PAN3: variants seen among roughly 807,000 people sequenced by gnomAD.
PAN3 encodes poly(A) specific ribonuclease subunit PAN3.
PAN3 carries 19 observed loss-of-function variants against 96.2 expected under a neutral mutation model. That is an observed-to-expected ratio of 0.20 (90% CI 0.14 to 0.29). The LOEUF is 0.29. PAN3 is among the 10% of genes least tolerant of loss of function. PAN3 has a pLI of 1.00. For missense variants in PAN3, 882 were observed against 1,108.1 expected (o/e 0.80, Z 2.90); for synonymous variants, 433 against 406.6 (o/e 1.06, Z -0.78).
intron 1 of PAN3, among the ~76,000 whole-genome samples, chr13:28,162,207 G>A (rs1165423367): frequency 6.6e-6 from 1 of 152,182 alleles, no homozygotes; most frequent in African/African-American, 2.4e-5. Context: ...TTAGTAGTTG[G>A]CAACTGGCTG....
At chr13:28,291,801 A>G (rs1156271200) in intron 18 of PAN3, among the ~76,000 whole-genome samples, 1 of 152,170 alleles carries the variant, frequency 6.6e-6, no homozygotes, top group East Asian at 1.9e-4. Flanking sequence ...ATTGCACTCC[A>G]CCCTGGGCAA....
At chr13:28,290,793 A>C (rs1361211623) in intron 18 of PAN3, among the ~76,000 whole-genome samples, 2 of 152,222 alleles carry the variant, frequency 1.3e-5, no homozygotes, top group African/African-American at 4.8e-5. Flanking sequence ...TTTTCTTGAG[A>C]GCAATATGTA....
rs1209895502 is a variant in PAN3, at chr13:28,138,685, C to G, written c.28C>G (p.Pro10Ala). 4 of 951,654 alleles carry G rather than the reference C, an allele frequency of 4.2e-6. No individual in the cohort carries two copies. In the East Asian group the frequency reaches 9.9e-5, roughly 24 times the overall value. 59.0% of individuals were successfully genotyped at this position (951,654 alleles called of 1,614,324 possible). Residue 10 changes from proline (P) to alanine (A), a missense_variant, in exon 1 of 19, where the codon CCC becomes GCC. This residue lies in a region of PAN3 where 442 missense variants were observed against 422.8 expected (regional missense o/e 1.05). Coordinates refer to ENST00000380958, the MANE Select transcript of PAN3 (RefSeq NM_175854.8). The stretch of plus-strand genomic sequence containing the variant: ...GAACAGTGGCGGCGGCCTCCCGCCC[C>G]CCTCGGCCGCCGCCTCCCCTTCCTC... MNSGGGLPPPSAAASPSSSS... is the reference protein window; with the variant it reads MNSGGGLPPASAAASPSSSS...
At chr13:28,173,338 A>G (rs1874545633) in intron 1 of PAN3, among the ~76,000 whole-genome samples, 2 of 152,248 alleles carry the variant, frequency 1.3e-5, no homozygotes, top group Middle Eastern at 3.4e-3. Context: ...TGAACTTTTT[A>G]TATGTAAATA....
chr13:28,234,854 T>G (rs1882933121), intron 6 of PAN3, among the ~76,000 whole-genome samples: 1 of 152,168 alleles, frequency 6.6e-6, no homozygotes. Flanking sequence ...GGCTTTCATA[T>G]TATATCTATG....
In PAN3 at chr13:28,138,776, C is replaced by T; in HGVS notation, c.119C>T (p.Ala40Val). ...GGGGTCGGGGGTGTCCCCGGCGGGG[C>T]GGCGGTAGGAGTGAAGCTGAAGTAC... Reference protein sequence around the residue: ...PPGVGGVPGGAAVGVKLKYCR... With the variant: ...PPGVGGVPGGVAVGVKLKYCR... Residue 40 changes from alanine (A) to valine (V), a missense_variant, in exon 1 of 19, where the codon GCG (alanine) becomes GTG (valine). Around this residue, in one of 3 missense-constraint regions of PAN3, gnomAD observed 442 missense variants for 422.8 expected, o/e 1.05. Transcript: ENST00000380958. 2 of 1,369,410 alleles carry T rather than the reference C, an allele frequency of 1.5e-6. No homozygotes were observed. The highest frequency in any genetic ancestry group is 1.5e-5 in the African/African-American group (1 of 65,326). The allele number at this position is 1,369,410 out of a possible 1,614,324, so 84.8% of individuals were successfully genotyped here. A position where few individuals can be genotyped will look rare whatever the true frequency, so the allele number is the denominator to read the frequency against.
At chr13:28,235,722 C>CACACACACACATATAT (rs763204992) in intron 6 of PAN3, among the ~76,000 whole-genome samples, 3 of 148,952 alleles carry the variant, frequency 2.0e-5, no homozygotes, top group African/African-American at 5.0e-5. Context: ...CACACACACA[C>CACACACACACATATAT]ATATATATAT....
chr13:28,260,915 T>A (rs1175568140), intron 8 of PAN3, among the ~76,000 whole-genome samples: 1 of 152,216 alleles, frequency 6.6e-6, no homozygotes, highest in Non-Finnish European at 1.5e-5. Context: ...GAAATAACTT[T>A]AAGAGAGCTC....
At chr13:28,224,022 C>T (rs1046236775) in intron 6 of PAN3, among the ~76,000 whole-genome samples, 2 of 151,668 alleles carry the variant, frequency 1.3e-5, no homozygotes, top group Non-Finnish European at 2.9e-5. Flanking sequence ...GCGCCCGCCA[C>T]CGCGCCCGGC....
At position 28,283,466 on chromosome 13, in the gene PAN3, A is replaced by G. The variant is rs548215788; in HGVS notation, c.2384+2087A>G. Among the ~76,000 whole-genome samples, 15 of 152,262 alleles carry G rather than the reference A, an allele frequency of 9.9e-5. No homozygotes were observed. The East Asian group carries it at 1.3e-3, about 14-fold the overall frequency. Reference sequence around the variant, plus strand: ...CTCTCTTTCATACCTGACATCCCCAATATCTATTCCCAGTTTCCCCCATCA... The same window carrying G: ...CTCTCTTTCATACCTGACATCCCCAGTATCTATTCCCAGTTTCCCCCATCA... On this transcript the variant is annotated intron_variant, in intron 17 of 18. Transcript: ENST00000380958.
chr13:28,221,825 A>G (rs1247081703), intron 6 of PAN3, among the ~76,000 whole-genome samples: 1 of 152,184 alleles, frequency 6.6e-6, no homozygotes, highest in Non-Finnish European at 1.5e-5. Flanking sequence ...TGTAAGTAAT[A>G]TACTACTATG....
chr13:28,190,577 C>A (rs549575072), intron 4 of PAN3, among the ~76,000 whole-genome samples: 1 of 152,144 alleles, frequency 6.6e-6, no homozygotes, highest in South Asian at 2.1e-4. Flanking sequence ...GATGTTTTAC[C>A]ACGGGAAAAG....
At chr13:28,235,474 C>T (rs1025649594) in intron 6 of PAN3, among the ~76,000 whole-genome samples, 2 of 152,086 alleles carry the variant, frequency 1.3e-5, no homozygotes, top group Non-Finnish European at 2.9e-5. Flanking sequence ...TTTTCCCCAT[C>T]ATCTCTGTGC....
At chr13:28,205,387 G>T (rs1879225211) in intron 5 of PAN3, among the ~76,000 whole-genome samples, 1 of 151,918 alleles carries the variant, frequency 6.6e-6, no homozygotes, top group Admixed American at 6.6e-5. Context: ...CTTCTCTCTA[G>T]CTGATACTCG....
chr13:28,267,398 T>G lies in PAN3; in HGVS notation c.1789T>G (p.Trp597Gly). 1.2e-6 allele frequency: 2 copies of G among 1,611,588 alleles called. No individual in the cohort carries two copies. Residue 597 changes from tryptophan to glycine, a missense_variant, in exon 12 of 19, where the codon TGG (tryptophan) becomes GGG (glycine). Physicochemically the swap from Trp to Gly is radical, Grantham distance 184. This residue lies in a region of PAN3 where 364 missense variants were observed against 513.6 expected (regional missense o/e 0.71). Transcript: ENST00000380958. ...TGATGCCTACTTCACCAAGAGAAAG[T>G]GGGGTAAGAAAAAGATGCAGGCAAA... is the stretch of plus-strand genomic sequence containing the variant. Reference protein sequence around the residue: ...NADAYFTKRKWGQHEGPLPRQ... With the variant: ...NADAYFTKRKGGQHEGPLPRQ...
At position 28,267,341 on chromosome 13, in the gene PAN3, A is replaced by G. The variant is rs757583105; in HGVS notation, c.1732A>G (p.Met578Val). The G allele has an allele frequency of 4.3e-6, 7 of 1,613,772 alleles. No homozygotes were observed. Among genetic ancestry groups the G allele is most frequent in the East Asian group, 2.2e-5 (1 of 44,850 alleles). Residue 578 changes from methionine (M) to valine (V), a missense_variant, in exon 12 of 19, where the codon ATG (methionine) becomes GTG (valine). Transcript: ENST00000380958. Reference protein sequence around the residue: ...AYDFHAGGETMMSRHFNDPNA... With the variant: ...AYDFHAGGETVMSRHFNDPNA... ...TGATTTCCATGCTGGAGGAGAAACT[A>G]TGATGAGCAGACACTTTAATGACCC...
intron 6 of PAN3, among the ~76,000 whole-genome samples, chr13:28,244,464 G>A (rs954128545): frequency 1.3e-4 from 20 of 151,942 alleles, no homozygotes; most frequent in African/African-American, 4.8e-4. Flanking sequence ...TTTAGTAATG[G>A]CTAGCAAGTT....
At chr13:28,139,191 C>G (rs1017934843) in intron 1 of PAN3, 104 bp downstream of exon 1, 22 of 1,190,096 alleles carry the variant, frequency 1.8e-5, no homozygotes, top group East Asian at 3.2e-5. Context: ...CGGGCTCCCC[C>G]CCTCACCTCC....
rs1210947812 is a variant in PAN3 at position 28,293,557 on chromosome 13, T to C, written c.*1035T>C. The C allele has an allele frequency of 6.6e-6, 1 of 152,384 alleles. No individual in the cohort carries two copies. The highest frequency in any genetic ancestry group is 2.4e-5 in the African/African-American group (1 of 41,334). The allele number at this position is 152,384 out of a possible 1,614,324, so 9.4% of individuals were successfully genotyped here. A position where few individuals can be genotyped will look rare whatever the true frequency, so the allele number is the denominator to read the frequency against. On this transcript the variant is annotated 3_prime_UTR_variant, in exon 19 of 19. Transcript: ENST00000380958. ...GTCTGGTATCAAGAGCTTTCTGATG[T>C]TTTACAGCCTGAATTTGGAGGGATA...
Sources: gnomAD v4.1 joint callset for allele counts (sites outside exome capture counted in the v4.1 genomes callset) on GRCh38, gnomAD v4.1.1 for gene constraint, gnomAD v4.1.1 regional missense constraint, MANE v1.5 for transcripts, NCBI Gene and HGNC (gene_info 2026-07-23, HGNC 2026-07-21) for gene names.